RAB28: variants seen among roughly 807,000 people sequenced by gnomAD.
RAB28 encodes RAB28, member RAS oncogene family.
Under a neutral mutation model 31.7 loss-of-function variants are expected in RAB28, and 24 were observed. The observed-to-expected ratio is 0.76, with a 90% CI of 0.55 to 1.06. The LOEUF is 1.06. Ranked by LOEUF, RAB28 falls within the 50% of genes least tolerant of loss-of-function variation. The pLI is 0.00. For synonymous variants in RAB28, 100 were observed against 90.4 expected (o/e 1.11, Z -0.60); for missense variants, 254 against 258.5 (o/e 0.98, Z 0.12).
chr4:13,425,771 A>C (rs1245370462), intron 4 of RAB28, among the ~76,000 whole-genome samples: 1 of 152,134 alleles, frequency 6.6e-6, no homozygotes, highest in Admixed American at 6.5e-5. Flanking sequence ...TATTTGCTTT[A>C]GTTGTATTGT....
At chr4:13,418,010 T>C (rs1484654850) in intron 4 of RAB28, among the ~76,000 whole-genome samples, 5 of 152,112 alleles carry the variant, frequency 3.3e-5, no homozygotes, top group Admixed American at 6.5e-5. Context: ...TGAAAAAAGA[T>C]TATAGACGAA....
chr4:13,391,778 C>T (rs1287031160), intron 4 of RAB28, among the ~76,000 whole-genome samples: 2 of 151,992 alleles, frequency 1.3e-5, no homozygotes, highest in African/African-American at 4.8e-5. Flanking sequence ...AGCTGGAAAC[C>T]ATCATTTTCA....
At chr4:13,458,141 CA>C (rs1715399903) in intron 4 of RAB28, among the ~76,000 whole-genome samples, 1 of 151,966 alleles carries the variant, frequency 6.6e-6, no homozygotes, top group Non-Finnish European at 1.5e-5. Context: ...AACAAATGAG[CA>C]AAATTTAACT....
Position 13,484,207 on chromosome 4 carries a change from G to A in RAB28, c.-57C>T. On this transcript the variant is annotated 5_prime_UTR_variant, in exon 1 of 7. Transcript: ENST00000330852. ...GTGGGGGGGGAAGGGAAGGATGAAG[G>A]CTCCGGGGGCGGGGGAGAGGAGGAA... The A allele has an allele frequency of 2.8e-6, 4 of 1,409,502 alleles. No individual in the cohort carries two copies. Among genetic ancestry groups the A allele is most frequent in the Non-Finnish European group, 3.9e-6 (4 of 1,018,336 alleles). The allele number at this position is 1,409,502 out of a possible 1,614,324, so 87.3% of individuals were successfully genotyped here. A position where few individuals can be genotyped will look rare whatever the true frequency, so the allele number is the denominator to read the frequency against.
chr4:13,409,542 C>T (rs927074048), intron 4 of RAB28, among the ~76,000 whole-genome samples: 1 of 152,144 alleles, frequency 6.6e-6, no homozygotes, highest in Non-Finnish European at 1.5e-5. Flanking sequence ...CTCAGAGAAG[C>T]TGATGGGAGA....
At chr4:13,379,205 C>CAAAA (rs34341516) in intron 5 of RAB28, among the ~76,000 whole-genome samples, 2 of 57,962 alleles carry the variant, frequency 3.5e-5, no homozygotes, top group African/African-American at 6.1e-5. Flanking sequence ...AACTCTGTCT[C>CAAAA]AAAAAAAAAA....
chr4:13,430,535 G>A (rs1713755455), intron 4 of RAB28, among the ~76,000 whole-genome samples: 2 of 152,160 alleles, frequency 1.3e-5, no homozygotes, highest in Admixed American at 6.5e-5. Flanking sequence ...TATTGGTGGC[G>A]ATTTGAGTAC....
intron 4 of RAB28, among the ~76,000 whole-genome samples, chr4:13,393,406 G>T (rs1040117670): frequency 1.3e-5 from 2 of 152,192 alleles, no homozygotes; most frequent in Non-Finnish European, 2.9e-5. Flanking sequence ...TGTGCGTTAA[G>T]AAGTTTACGT....
At chr4:13,390,400 T>A (rs142815238) in intron 4 of RAB28, among the ~76,000 whole-genome samples, 1 of 151,934 alleles carries the variant, frequency 6.6e-6, no homozygotes, top group African/African-American at 2.4e-5. Context: ...AAACCACTGC[T>A]CAAGGAAATA....
Position 13,447,671 on chromosome 4 carries a change from G to A in RAB28, c.391+13028C>T, listed in dbSNP as rs575907888. Among the ~76,000 whole-genome samples, 27 of 151,910 alleles carry A rather than the reference G, an allele frequency of 1.8e-4. No individual in the cohort carries two copies. The East Asian group carries it at 5.2e-3, about 29-fold the overall frequency. ...CCCTTAAAGTTGGCCATATGTCCAG[G>A]GTTTGCCTGGCAAATAGTGAGAATT... On this transcript the variant is annotated intron_variant, in intron 4 of 6. Transcript: ENST00000330852.
chr4:13,374,621 G>C (rs144649295), intron 6 of RAB28, among the ~76,000 whole-genome samples: 3 of 152,098 alleles, frequency 2.0e-5, no homozygotes, highest in Non-Finnish European at 4.4e-5. Flanking sequence ...AGAAACCTCA[G>C]GGTTATCTCA....
intron 3 of RAB28, 41 bp downstream of exon 3, chr4:13,474,277 G>T: frequency 7.8e-7 from 1 of 1,288,380 alleles, no homozygotes; most frequent in Non-Finnish European, 1.1e-6. Flanking sequence ...CTTGTAAGTG[G>T]TATACTTTCA....
intron 4 of RAB28, among the ~76,000 whole-genome samples, chr4:13,403,625 T>C (rs1711907809): frequency 6.6e-6 from 1 of 152,226 alleles, no homozygotes; most frequent in African/African-American, 2.4e-5. Flanking sequence ...TCTGTTTCAG[T>C]ATTATGTATG....
In RAB28 at chr4:13,453,621, G is replaced by GT. The variant is rs559681223; in HGVS notation, c.391+7077dup. Among the ~76,000 whole-genome samples the GT allele has an allele frequency of 9.7e-3, 1,439 of 148,910 alleles. 13 individuals carry two copies. Among genetic ancestry groups the GT allele is most frequent in the Middle Eastern group, 0.021 (6 of 282 alleles). The stretch of plus-strand genomic sequence containing the variant: ...ATATTCTAATATTCTTGGCTGACGG[G>GT]TTTTTTTTTTCTTTCAGAACTTTCA... On this transcript the variant is annotated intron_variant, in intron 4 of 6. Transcript: ENST00000330852.
At chr4:13,440,485 AT>A (rs1346768391) in intron 4 of RAB28, among the ~76,000 whole-genome samples, 1 of 152,130 alleles carries the variant, frequency 6.6e-6, no homozygotes, top group Non-Finnish European at 1.5e-5. Flanking sequence ...AATAATCAAT[AT>A]TTTTATATAT....
At chr4:13,394,197 T>C (rs1227399397) in intron 4 of RAB28, among the ~76,000 whole-genome samples, 1 of 152,198 alleles carries the variant, frequency 6.6e-6, no homozygotes, top group Non-Finnish European at 1.5e-5. Context: ...CTCTTTGATC[T>C]GAGATCTAAA....
intron 4 of RAB28, among the ~76,000 whole-genome samples, chr4:13,406,981 G>A (rs1457081570): frequency 1.3e-5 from 2 of 152,238 alleles, no homozygotes; most frequent in East Asian, 1.9e-4. Flanking sequence ...TTCTTTTGCT[G>A]TGCAGAAGCT....
intron 4 of RAB28, among the ~76,000 whole-genome samples, chr4:13,383,500 A>G (rs1729223368): frequency 6.6e-6 from 1 of 152,174 alleles, no homozygotes; most frequent in Non-Finnish European, 1.5e-5. Flanking sequence ...CTTATTCAAC[A>G]AACATTTATT....
intron 4 of RAB28, among the ~76,000 whole-genome samples, chr4:13,397,660 C>A (rs896856991): frequency 6.6e-6 from 1 of 151,982 alleles, no homozygotes; most frequent in African/African-American, 2.4e-5. Flanking sequence ...TATTATTTTT[C>A]ACAAGGACCA....
Sources: gnomAD v4.1 joint callset for allele counts (sites outside exome capture counted in the v4.1 genomes callset) on GRCh38, gnomAD v4.1.1 for gene constraint, MANE v1.5 for transcripts, NCBI Gene and HGNC (gene_info 2026-07-23, HGNC 2026-07-21) for gene names.